WDR27: variants seen among roughly 807,000 people sequenced by gnomAD.
WDR27 encodes WD repeat domain 27, also known as WD repeat-containing protein 27.
In WDR27, 100 loss-of-function variants were observed where a neutral mutation model predicts 114.4. The ratio of observed to expected loss-of-function variants is 0.87; its 90% CI spans 0.74 to 1.03. The LOEUF (loss-of-function observed/expected upper bound fraction) is 1.03, where lower values mean the gene tolerates loss of function less well. WDR27 is among the 50% of genes least tolerant of loss of function. WDR27 has a pLI of 0.00. For missense variants in WDR27, 1,129 were observed against 1,092.9 expected (o/e 1.03, Z -0.47); for synonymous variants, 449 against 423.1 (o/e 1.06, Z -0.75).
chr6:169,645,019 A>T lies in WDR27; in HGVS notation c.1658-1233T>A, dbSNP rs1162244921. On this transcript the variant is annotated intron_variant, in intron 16 of 25. Transcript: ENST00000448612. ...GCGAGACTCCGTCTCAAAAAAAAAAAAAATAAAAAAAAAAAATAAAAAAAA... is the reference window on the plus strand; with the variant it reads ...GCGAGACTCCGTCTCAAAAAAAAAATAAATAAAAAAAAAAAATAAAAAAAA... Among the ~76,000 whole-genome samples, 23 of 63,924 alleles carry T rather than the reference A, an allele frequency of 3.6e-4. 4 individuals are homozygous for T. The East Asian group carries it at 0.011, about 29-fold the overall frequency. 41.9% of individuals were successfully genotyped at this position (63,924 alleles called of 152,430 possible).
chr6:169,563,167 G>A (rs2982395), intron 25 of WDR27, among the ~76,000 whole-genome samples: 71,039 of 151,866 alleles, frequency 0.47, 20,424 homozygotes, highest in Non-Finnish European at 0.65. Flanking sequence ...TGCTCAGTCC[G>A]CCCTGGACGC....
intron 25 of WDR27, among the ~76,000 whole-genome samples, chr6:169,497,992 C>T (rs1790629488): frequency 6.6e-6 from 1 of 152,018 alleles, no homozygotes; most frequent in South Asian, 2.1e-4. Flanking sequence ...ATAGCTAAAA[C>T]ATGGAAGCAA....
the WDR27 span, among the ~76,000 whole-genome samples, chr6:169,430,863 G>T: frequency 6.6e-6 from 1 of 152,190 alleles, no homozygotes. Flanking sequence ...TTTAACCATG[G>T]CATCATACAT....
At chr6:169,574,005 A>C (rs1432236174) in intron 24 of WDR27, among the ~76,000 whole-genome samples, 1 of 152,284 alleles carries the variant, frequency 6.6e-6, no homozygotes, top group Non-Finnish European at 1.5e-5. Context: ...GCAGTTAAAC[A>C]GCTACACTGA....
chr6:169,519,291 A>G (rs527601983), intron 25 of WDR27, among the ~76,000 whole-genome samples: 1 of 152,268 alleles, frequency 6.6e-6, no homozygotes, highest in African/African-American at 2.4e-5. Flanking sequence ...ACTCTTCAGT[A>G]CCAATTTTCT....
At chr6:169,649,168 T>G in intron 15 of WDR27, 30 bp downstream of exon 15, 1 of 1,545,958 alleles carries the variant, frequency 6.5e-7, no homozygotes, top group Non-Finnish European at 8.8e-7. Context: ...TTATTTCAAA[T>G]GTACTTGGAA....
At chr6:169,428,802 G>A in the WDR27 span, among the ~76,000 whole-genome samples, 1 of 152,150 alleles carries the variant, frequency 6.6e-6, no homozygotes, top group South Asian at 2.1e-4. Flanking sequence ...TGTCCACGTG[G>A]TGGTTCTGGA....
At chr6:169,583,299 TG>T (rs60778770) in intron 23 of WDR27, among the ~76,000 whole-genome samples, 84,979 of 113,820 alleles carry the variant, frequency 0.75, 30,250 homozygotes, top group Non-Finnish European at 0.83. Context: ...CCAAATTGAA[TG>T]GAAAAAAAAA....
rs367656094 is a variant in WDR27 at position 169,656,507 on chromosome 6, C to A, written c.1402+1769G>T. Among the ~76,000 whole-genome samples the A allele has an allele frequency of 2.6e-4, 39 of 147,500 alleles. No homozygotes were observed. The South Asian group carries it at 5.5e-3, about 21-fold the overall frequency. ...ACTGACAGGGCCAAGAGAGACCAGG[C>A]GGGGTGGGGGGAAAGCATGTGAGGC... On this transcript the variant is annotated intron_variant, in intron 13 of 25. Coordinates refer to ENST00000448612, the MANE Select transcript of WDR27 (RefSeq NM_182552.5).
At chr6:169,660,572 G>A (rs1211478301) in intron 10 of WDR27, 91 bp downstream of exon 10, 2 of 1,054,008 alleles carry the variant, frequency 1.9e-6, no homozygotes, top group Admixed American at 1.8e-5. Context: ...GATTCACACG[G>A]CAAGGCCTTC....
intron 8 of WDR27, among the ~76,000 whole-genome samples, chr6:169,663,919 G>C (rs1295373879): frequency 6.6e-6 from 1 of 152,202 alleles, no homozygotes; most frequent in African/African-American, 2.4e-5. Flanking sequence ...TGCTGCCTTG[G>C]TGCCTCTGCT....
intron 21 of WDR27, among the ~76,000 whole-genome samples, chr6:169,620,096 T>C (rs960724854): frequency 3.9e-5 from 6 of 152,214 alleles, no homozygotes; most frequent in Admixed American, 3.3e-4. Context: ...TTTTAAAGCA[T>C]GACTCCTCAG....
At chr6:169,567,363 T>C (rs372299606) in intron 25 of WDR27, among the ~76,000 whole-genome samples, 28 of 152,306 alleles carry the variant, frequency 1.8e-4, no homozygotes, top group East Asian at 5.8e-4. Context: ...GTGCCTGTTG[T>C]GGAACTGACT....
At chr6:169,643,930 G>A (rs1450659771) in intron 16 of WDR27, 144 bp from the exon 17 acceptor site, 2 of 612,074 alleles carry the variant, frequency 3.3e-6, no homozygotes, top group Non-Finnish European at 2.8e-6. Flanking sequence ...TAGTTCACAA[G>A]AGTCACACTG....
intron 25 of WDR27, among the ~76,000 whole-genome samples, chr6:169,536,524 G>A (rs989873178): frequency 1.2e-4 from 18 of 152,068 alleles, no homozygotes; most frequent in East Asian, 5.8e-4. Flanking sequence ...ATTCTGACAC[G>A]GATTGCTTAT....
chr6:169,466,423 T>C (rs1215731641), intron 25 of WDR27, among the ~76,000 whole-genome samples: 1 of 152,152 alleles, frequency 6.6e-6, no homozygotes, highest in Non-Finnish European at 1.5e-5. Flanking sequence ...CTTCTTCACA[T>C]GTCAGCAAAA....
intron 25 of WDR27, among the ~76,000 whole-genome samples, chr6:169,467,519 C>T (rs1432430067): frequency 2.0e-5 from 3 of 152,242 alleles, no homozygotes; most frequent in Non-Finnish European, 2.9e-5. Context: ...AGGCCCAACA[C>T]CATGTGTAAG....
At chr6:169,479,334 G>C (rs1278985447) in intron 25 of WDR27, among the ~76,000 whole-genome samples, 1 of 152,052 alleles carries the variant, frequency 6.6e-6, no homozygotes, top group African/African-American at 2.4e-5. Flanking sequence ...AAACTACAAT[G>C]AGATACCATC....
intron 1 of WDR27, among the ~76,000 whole-genome samples, chr6:169,698,173 A>G (rs772265949): frequency 9.0e-4 from 137 of 152,162 alleles, no homozygotes; most frequent in Non-Finnish European, 1.1e-3. Context: ...GTCTGGCCCC[A>G]GTGTGCACGA....
Sources: allele counts gnomAD v4.1 joint callset (sites outside exome capture counted in the v4.1 genomes callset), GRCh38; gene constraint gnomAD v4.1.1; transcripts MANE v1.5; gene names NCBI Gene and HGNC (gene_info 2026-07-23, HGNC 2026-07-21).